STAT5B: variants seen among roughly 807,000 people sequenced by gnomAD.
STAT5B encodes transcription factor STAT5B.
A neutral mutation model predicts 107.8 loss-of-function variants in STAT5B; 21 were observed. The ratio of observed to expected loss-of-function variants is 0.19; its 90% CI spans 0.14 to 0.28. STAT5B has a LOEUF of 0.28. STAT5B is among the 10% of genes least tolerant of loss of function. The pLI is 1.00. For missense variants in STAT5B, 565 were observed against 1,008.2 expected (o/e 0.56, Z 5.95); for synonymous variants, 325 against 401.7 (o/e 0.81, Z 2.28).
chr17:42,224,989 A>G (rs2080261068), intron 3 of STAT5B, 121 bp from the exon 4 acceptor site: 7 of 889,438 alleles, frequency 7.9e-6, no homozygotes, highest in Non-Finnish European at 1.3e-5. Flanking sequence ...TGTTCCTCCA[A>G]TACCAACAGG....
chr17:42,233,368 A>G (rs1410455526), intron 1 of STAT5B, among the ~76,000 whole-genome samples: 1 of 152,234 alleles, frequency 6.6e-6, no homozygotes, highest in Non-Finnish European at 1.5e-5. Context: ...GTTACTGCTA[A>G]GGAATTTATG....
At chr17:42,246,460 T>C (rs576075516) in intron 1 of STAT5B, among the ~76,000 whole-genome samples, 1 of 152,216 alleles carries the variant, frequency 6.6e-6, no homozygotes, top group Non-Finnish European at 1.5e-5. Context: ...TAAATGTGTT[T>C]TCAAATAGTG....
At chr17:42,252,644 T>C (rs907536344) in intron 1 of STAT5B, among the ~76,000 whole-genome samples, 3 of 152,228 alleles carry the variant, frequency 2.0e-5, no homozygotes, top group Non-Finnish European at 2.9e-5. Flanking sequence ...ATCTGAATCC[T>C]TATTACAGGA....
intron 3 of STAT5B, among the ~76,000 whole-genome samples, chr17:42,226,445 T>C (rs937697055): frequency 6.6e-6 from 1 of 152,148 alleles, no homozygotes; most frequent in African/African-American, 2.4e-5. Flanking sequence ...AAAAGTATTA[T>C]ATCAATGCTA....
At chr17:42,250,908 A>T (rs1430979517) in intron 1 of STAT5B, among the ~76,000 whole-genome samples, 1 of 146,872 alleles carries the variant, frequency 6.8e-6, no homozygotes, top group African/African-American at 2.5e-5. Context: ...TGGGTGATAG[A>T]GGGAAACTCT....
chr17:42,276,086 C>CGCGCGCCCCTCGCCCA lies in STAT5B; in HGVS notation c.-11+146_-11+161dup, dbSNP rs2080762712. Among the ~76,000 whole-genome samples the CGCGCGCCCCTCGCCCA allele has an allele frequency of 6.6e-6, 1 of 151,096 alleles. No homozygotes were observed. The highest frequency in any genetic ancestry group is 1.5e-5 in the Non-Finnish European group (1 of 67,690). The stretch of plus-strand genomic sequence containing the variant: ...AGCCAACCCGGACCCCCTCTCCCCG[C>CGCGCGCCCCTCGCCCA]GCGCGCCCCTCGCCCAGCGCGCAAC... On this transcript the variant is annotated intron_variant, in intron 1 of 18. Transcript: ENST00000293328. The surrounding 1 kb of genome is among the most constrained non-coding windows in gnomAD (Gnocchi z 4.8).
chr17:42,237,321 CATAA>C, intron 1 of STAT5B, among the ~76,000 whole-genome samples: 1 of 152,308 alleles, frequency 6.6e-6, no homozygotes, highest in Middle Eastern at 3.4e-3. Context: ...ATGTCCACCA[CATAA>C]ATAAATGATA....
intron 1 of STAT5B, among the ~76,000 whole-genome samples, chr17:42,240,685 G>A (rs926823380): frequency 2.6e-5 from 4 of 152,120 alleles, no homozygotes; most frequent in Non-Finnish European, 4.4e-5. Flanking sequence ...CTCCAGGGTC[G>A]GTCCATACTA....
chr17:42,206,922 G>A (rs2080090216), intron 16 of STAT5B, among the ~76,000 whole-genome samples: 1 of 150,100 alleles, frequency 6.7e-6, no homozygotes, highest in African/African-American at 2.5e-5. Flanking sequence ...TATTGCCCAG[G>A]CTGGAGTGTG....
intron 17 of STAT5B, 35 bp downstream of exon 17, chr17:42,202,722 G>A: frequency 1.2e-6 from 2 of 1,613,328 alleles, no homozygotes; most frequent in Non-Finnish European, 1.7e-6. Flanking sequence ...GGAGGAAAGA[G>A]GCAGAAGGAG....
At chr17:42,205,616 A>G (rs2080078627) in intron 16 of STAT5B, among the ~76,000 whole-genome samples, 1 of 152,174 alleles carries the variant, frequency 6.6e-6, no homozygotes, top group African/African-American at 2.4e-5. Context: ...GTCTTTTCAA[A>G]CATCACATCC....
intron 4 of STAT5B, 38 bp from the exon 5 acceptor site, chr17:42,223,594 T>C: frequency 1.2e-6 from 2 of 1,610,116 alleles, no homozygotes; most frequent in Admixed American, 3.3e-5. Flanking sequence ...GCAGTGCGAA[T>C]GGGAGGAAGA....
the STAT5B span, among the ~76,000 whole-genome samples, chr17:42,281,990 T>C: frequency 0.098 from 14,839 of 151,920 alleles, 2,401 homozygotes; most frequent in African/African-American, 0.34. Flanking sequence ...TGCCACTGTG[T>C]GTAGAAAAGC....
intron 1 of STAT5B, among the ~76,000 whole-genome samples, chr17:42,260,745 TTAAAG>T (rs991242180): frequency 1.2e-4 from 18 of 152,132 alleles, no homozygotes; most frequent in Non-Finnish European, 7.4e-5. Context: ...TTTTTATATA[TTAAAG>T]TATATTGTTA....
At chr17:42,232,335 G>A (rs1024476812) in intron 1 of STAT5B, among the ~76,000 whole-genome samples, 198 bp from the exon 2 acceptor site, 4 of 151,970 alleles carry the variant, frequency 2.6e-5, no homozygotes, top group South Asian at 2.1e-4. Context: ...TACAACCTCC[G>A]CCTCCCCGGT....
intron 1 of STAT5B, among the ~76,000 whole-genome samples, chr17:42,235,952 ATATACTATGCATGTAGGG>A: frequency 6.6e-6 from 1 of 152,208 alleles, no homozygotes; most frequent in Admixed American, 6.5e-5. Context: ...TACTGTGGTG[ATATACTATGCATGTAGGG>A]GTATTAAAAA....
At position 42,203,847 on chromosome 17, in the gene STAT5B, G is replaced by A. The variant is rs550455947; in HGVS notation, c.2078-1039C>T. ...TCTCCATGTTGGTCAGGCTGGTCTC[G>A]AACCCCTGACCTCAAGTGATCCACC... is the stretch of plus-strand genomic sequence containing the variant. On this transcript the variant is annotated intron_variant, in intron 16 of 18. Coordinates refer to ENST00000293328, the MANE Select transcript of STAT5B (RefSeq NM_012448.4). 5.3e-5 allele frequency among the ~76,000 whole-genome samples: 8 copies of A among 151,856 alleles called. No individual in the cohort carries two copies. The South Asian group carries it at 6.3e-4, about 12-fold the overall frequency.
intron 9 of STAT5B, chr17:42,217,780 C>T: frequency 2.3e-6 from 1 of 444,244 alleles, no homozygotes. Context: ...TCTCAGCTCA[C>T]TGCAATCTCT....
At chr17:42,212,995 G>A (rs1035966462) in intron 12 of STAT5B, among the ~76,000 whole-genome samples, 6 of 152,104 alleles carry the variant, frequency 3.9e-5, no homozygotes, top group African/African-American at 1.4e-4. Context: ...ACAAATGACA[G>A]CACAAAATCC....
Sources: allele counts gnomAD v4.1 joint callset (sites outside exome capture counted in the v4.1 genomes callset), GRCh38; gene constraint gnomAD v4.1.1; non-coding constraint Gnocchi (gnomAD v3.1); transcripts MANE v1.5; gene names NCBI Gene and HGNC (gene_info 2026-07-23, HGNC 2026-07-21).